Variants in HSD17B4 observed in about 807,000 individuals in gnomAD.
HSD17B4 encodes hydroxysteroid 17-beta dehydrogenase 4.
HSD17B4 carries 70 observed loss-of-function variants against 101.0 expected under a neutral mutation model. That is an observed-to-expected ratio of 0.69 (90% CI 0.57 to 0.85). The LOEUF (loss-of-function observed/expected upper bound fraction) is 0.85. Among genes scored for constraint, HSD17B4 ranks in the 40% least tolerant of loss-of-function variants. The pLI, the probability that HSD17B4 is intolerant of heterozygous loss-of-function variation, is 0.00. For missense variants in HSD17B4, 984 were observed against 892.4 expected, an observed-to-expected ratio of 1.10 and a Z score of -1.31; for synonymous variants, 347 against 297.1, an observed-to-expected ratio of 1.17 and a Z score of -1.73.
chr5:119,542,029 T>C lies in HSD17B4; in HGVS notation c.*35T>C, dbSNP rs372076533. The C allele has an allele frequency of 1.5e-6, 2 of 1,351,182 alleles. No homozygotes were observed. Among genetic ancestry groups the C allele is most frequent in the South Asian group, 1.2e-5 (1 of 85,112 alleles). The allele number at this position is 1,351,182 out of a possible 1,614,324, so 83.7% of individuals were successfully genotyped here. ...TACACTATTAATAAAAATGGAATCA[T>C]TAAATACTCTCTTCACCCAAATATG... On this transcript the variant is annotated 3_prime_UTR_variant, in exon 24 of 24. Transcript: ENST00000510025.
At chr5:119,527,251 T>G (rs776087458) in intron 20 of HSD17B4, 32 bp downstream of exon 20, 2 of 1,176,362 alleles carry the variant, frequency 1.7e-6, no homozygotes, top group Non-Finnish European at 2.6e-6. Flanking sequence ...CCTTCTCACA[T>G]GCTTTATCAT....
At chr5:119,493,775 C>G (rs764494137) in intron 10 of HSD17B4, 43 bp from the exon 11 acceptor site, 5 of 1,595,512 alleles carry the variant, frequency 3.1e-6, no homozygotes, top group Admixed American at 1.7e-5. Context: ...CTTTCTGTCT[C>G]TCAACTATGT....
At chr5:119,474,622 T>A (rs1161420624) in intron 4 of HSD17B4, among the ~76,000 whole-genome samples, 162 bp downstream of exon 4, 3 of 152,202 alleles carry the variant, frequency 2.0e-5, no homozygotes, top group African/African-American at 7.2e-5. Flanking sequence ...CATAAAGGGT[T>A]TAATTGAGGT....
rs774818626 is a variant in HSD17B4 at position 119,479,007 on chromosome 5, C to T, written c.608C>T (p.Thr203Ile). 7.4e-6 allele frequency: 12 copies of T among 1,613,026 alleles called. No homozygotes were observed. In the South Asian group the frequency reaches 1.2e-4, roughly 16 times the overall value. Reference sequence around the variant, plus strand: ...AATGCGGGATCACGGATGACTCAGACAGTTATGCCTGAAGGTAAGTAAGCA... The same window carrying T: ...AATGCGGGATCACGGATGACTCAGATAGTTATGCCTGAAGGTAAGTAAGCA... ...APNAGSRMTQTVMPEDLVEAL... is the reference protein window; with the variant it reads ...APNAGSRMTQIVMPEDLVEAL... Residue 203 changes from threonine (T) to isoleucine (I), a missense_variant, in exon 8 of 24, where the codon ACA becomes ATA. By Grantham distance (89) the Thr-to-Ile change is moderately conservative. Transcript: ENST00000510025.
chr5:119,472,091 G>A (rs1326541441), intron 2 of HSD17B4, among the ~76,000 whole-genome samples: 3 of 152,144 alleles, frequency 2.0e-5, no homozygotes, highest in African/African-American at 7.2e-5. Flanking sequence ...GTATAAATTA[G>A]TGACTAAACA....
chr5:119,494,667 C>T (rs1750468208), intron 11 of HSD17B4, among the ~76,000 whole-genome samples: 1 of 152,094 alleles, frequency 6.6e-6, no homozygotes, highest in Non-Finnish European at 1.5e-5. Context: ...CTGTTCTCCA[C>T]TTCTTTTGTT....
intron 23 of HSD17B4, among the ~76,000 whole-genome samples, chr5:119,540,011 T>G (rs1446361299): frequency 6.6e-6 from 1 of 151,812 alleles, no homozygotes; most frequent in African/African-American, 2.4e-5. Flanking sequence ...GAGGATCACT[T>G]GAGCCCAGGA....
intron 8 of HSD17B4, among the ~76,000 whole-genome samples, chr5:119,485,539 CTTTTTTCTTACTCTTTTATAGT>C (rs1195800675): frequency 6.6e-6 from 1 of 151,910 alleles, no homozygotes; most frequent in African/African-American, 2.4e-5. Flanking sequence ...TTTTATTCTG[CTTTTTTCTTACTCTTTTATAGT>C]TTAGAATATC....
chr5:119,492,425 A>G (rs1003835387), intron 10 of HSD17B4: 9 of 333,548 alleles, frequency 2.7e-5, no homozygotes, highest in Admixed American at 4.2e-5. Context: ...TCATCCTCCC[A>G]TGTCTTTGAC....
chr5:119,459,352 C>T (rs572235750), intron 2 of HSD17B4, among the ~76,000 whole-genome samples: 1 of 152,256 alleles, frequency 6.6e-6, no homozygotes, highest in East Asian at 1.9e-4. Flanking sequence ...AGAAAGGAAC[C>T]AATATCAGTC....
At chr5:119,520,289 G>A (rs1752997566) in intron 17 of HSD17B4, among the ~76,000 whole-genome samples, 1 of 151,976 alleles carries the variant, frequency 6.6e-6, no homozygotes, top group African/African-American at 2.4e-5. Flanking sequence ...GGCTTCTTTT[G>A]CATATCTGGG....
In HSD17B4 at chr5:119,531,318, A is replaced by G; in HGVS notation, c.1907A>G (p.Lys636Arg). 2 of 1,613,262 alleles carry G rather than the reference A, an allele frequency of 1.2e-6. No homozygotes were observed. The highest frequency in any genetic ancestry group is 8.5e-7 in the Non-Finnish European group (1 of 1,179,332). The change falls in exon 22 of 24, where the codon AAG becomes AGG. Residue 636 changes from lysine (K) to arginine (R), a missense_variant. By Grantham distance (26) the Lys-to-Arg change is conservative. Coordinates refer to ENST00000510025, the MANE Select transcript of HSD17B4 (RefSeq NM_000414.4). ...TTTGAGGAAATAGGACGCCGCCTAA[A>G]GGATATTGGGCCTGAGGTGGTGAAG... ...FVFEEIGRRLKDIGPEVVKKV... is the reference protein window; with the variant it reads ...FVFEEIGRRLRDIGPEVVKKV...
At chr5:119,495,222 A>G (rs1184039189) in intron 11 of HSD17B4, among the ~76,000 whole-genome samples, 2 of 152,166 alleles carry the variant, frequency 1.3e-5, no homozygotes, top group Non-Finnish European at 2.9e-5. Context: ...ATCCATGAAA[A>G]CAAATGAAAG....
chr5:119,460,718 ATGGT>A (rs1425341276), intron 2 of HSD17B4, among the ~76,000 whole-genome samples: 1 of 152,208 alleles, frequency 6.6e-6, no homozygotes, highest in Non-Finnish European at 1.5e-5. Context: ...CCCTACTTTC[ATGGT>A]GCATATATTC....
chr5:119,494,361 C>CTTTT (rs1210032575), intron 11 of HSD17B4, among the ~76,000 whole-genome samples: 2 of 147,200 alleles, frequency 1.4e-5, no homozygotes, highest in African/African-American at 2.5e-5. Flanking sequence ...TTCTTTCTTT[C>CTTTT]TTTCTTTCTT....
chr5:119,480,446 C>G (rs900834674), intron 8 of HSD17B4, among the ~76,000 whole-genome samples: 3 of 152,098 alleles, frequency 2.0e-5, no homozygotes, highest in Middle Eastern at 6.8e-3. Flanking sequence ...GCCCCACAAG[C>G]CACAAAAACC....
chr5:119,515,079 A>G, intron 17 of HSD17B4, 33 bp downstream of exon 17: 6 of 1,226,336 alleles, frequency 4.9e-6, no homozygotes, highest in South Asian at 1.2e-5. Flanking sequence ...TGATAAATCC[A>G]CCTGGTTGAT....
At position 119,524,920 on chromosome 5, in the gene HSD17B4, G is replaced by C. The variant is rs191587070; in HGVS notation, c.1504-296G>C. On this transcript the variant is annotated intron_variant, in intron 17 of 23. Transcript: ENST00000510025. ...ATCTGTGTATAAATGGGAGTAGATT[G>C]ACTGACTTCTTTTTGTGAATTTCTC... is the stretch of plus-strand genomic sequence containing the variant. Among the ~76,000 whole-genome samples the C allele has an allele frequency of 4.5e-4, 69 of 152,180 alleles. 1 individual carries two copies. The highest frequency in any genetic ancestry group is 1.6e-3 in the African/African-American group (67 of 41,524).
At position 119,463,655 on chromosome 5, in the gene HSD17B4, C is replaced by CTTTTTTTTTTTTT. The variant is rs57252147; in HGVS notation, c.112+7305_112+7317dup. Among the ~76,000 whole-genome samples the CTTTTTTTTTTTTT allele has an allele frequency of 1.4e-3, 43 of 29,706 alleles. 4 individuals carry two copies. Among genetic ancestry groups the CTTTTTTTTTTTTT allele is most frequent in the South Asian group, 2.9e-3 (1 of 344 alleles). The allele number at this position is 29,706 out of a possible 152,430, so 19.5% of individuals were successfully genotyped here. A position where few individuals can be genotyped will look rare whatever the true frequency, so the allele number is the denominator to read the frequency against. On this transcript the variant is annotated intron_variant, in intron 2 of 23. Transcript: ENST00000510025. Reference sequence around the variant, plus strand: ...ATATACTTCTTGGCCATTTATATGTCTTTTTTTTTTTTTTTTTTTTTTTTT... The same window carrying CTTTTTTTTTTTTT: ...ATATACTTCTTGGCCATTTATATGTCTTTTTTTTTTTTTTTTTTTTTTTTTTTTTTTTTTTTTT...
Sources: allele counts gnomAD v4.1 joint callset (sites outside exome capture counted in the v4.1 genomes callset), GRCh38; gene constraint gnomAD v4.1.1; transcripts MANE v1.5; gene names NCBI Gene and HGNC (gene_info 2026-07-23, HGNC 2026-07-21).